Variants in PINK1 observed in about 807,000 individuals in gnomAD.
PINK1 encodes the protein serine/threonine-protein kinase PINK1, mitochondrial.
Under a neutral mutation model 56.0 loss-of-function variants are expected in PINK1, and 58 were observed. The observed-to-expected ratio is 1.04, with a 90% CI of 0.84 to 1.29. The LOEUF (loss-of-function observed/expected upper bound fraction) is 1.29. PINK1 is among the 50% of genes most tolerant of loss of function. PINK1 has a pLI of 0.00. For missense variants in PINK1, 745 were observed against 777.9 expected, an observed-to-expected ratio of 0.96 and a Z score of 0.50; for synonymous variants, 354 against 339.3, an observed-to-expected ratio of 1.04 and a Z score of -0.48.
In PINK1 at chr1:20,633,754, T is replaced by C; in HGVS notation, c.206T>C (p.Phe69Ser). The change falls in exon 1 of 8, where the codon TTC (phenylalanine) becomes TCC (serine). Residue 69 changes from phenylalanine (F) to serine (S), a missense_variant. Physicochemically the swap from Phe to Ser is radical, Grantham distance 155 (BLOSUM62 -2). Coordinates refer to ENST00000321556, the MANE Select transcript of PINK1 (RefSeq NM_032409.3). ...CTCGGGCTCCCTAACCGTCTCCGCT[T>C]CTTCCGCCAGTCGGTGGCCGGGCTG... The part of the protein sequence containing the change: ...VGLGLPNRLR[F>S]FRQSVAGLAA... 1 of 1,548,980 alleles carries C rather than the reference T, an allele frequency of 6.5e-7. No individual in the cohort carries two copies. Among genetic ancestry groups the C allele is most frequent in the South Asian group, 1.2e-5 (1 of 84,998 alleles).
At position 20,635,644 on chromosome 1, in the gene PINK1, C is replaced by G. The variant is rs368386674; in HGVS notation, c.387+1709C>G. ...CGGGCGGATCATGAGGTCAGGAGAT[C>G]GAGACCATCCTGGCTAACATGGTGA... is the stretch of plus-strand genomic sequence containing the variant. On this transcript the variant is annotated intron_variant, in intron 1 of 7. Coordinates refer to ENST00000321556, the MANE Select transcript of PINK1 (RefSeq NM_032409.3). Among the ~76,000 whole-genome samples, 160 of 151,246 alleles carry G rather than the reference C, an allele frequency of 1.1e-3. 2 individuals are homozygous for G. The highest frequency in any genetic ancestry group is 3.7e-3 in the African/African-American group (153 of 41,248).
At position 20,648,515 on chromosome 1, in the gene PINK1, CT is replaced by C. The variant is rs1201886169; in HGVS notation, c.1135del (p.Trp379GlyfsTer3). ...CTTGCTCCTTCCCAGACGGCTGCCC[CT>C]GGCTGGTGATCGCAGATTTTGGCTG... ...LVELDPDGCP[W>X]LVIADFGCCL... On this transcript the variant is annotated frameshift_variant, in exon 6 of 8. Transcript: ENST00000321556. LOFTEE classifies it high-confidence loss of function. 1 of 1,614,186 alleles carries C rather than the reference CT, an allele frequency of 6.2e-7. No homozygotes were observed. Among genetic ancestry groups the C allele is most frequent in the Non-Finnish European group, 8.5e-7 (1 of 1,180,038 alleles).
In PINK1 at chr1:20,646,871, T is replaced by C. The variant is rs6677994; in HGVS notation, c.1123+1148T>C. On this transcript the variant is annotated intron_variant, in intron 5 of 7. Transcript: ENST00000321556. ...CTGGCTTTTATTATTTCTTTATTTA[T>C]TTACTTATTTATTTATTTATTTATT... Among the ~76,000 whole-genome samples the C allele has an allele frequency of 1.2e-3, 161 of 130,998 alleles. 1 individual carries two copies. Among genetic ancestry groups the C allele is most frequent in the South Asian group, 5.9e-3 (25 of 4,256 alleles). The allele number at this position is 130,998 out of a possible 152,430, so 85.9% of individuals were successfully genotyped here.
chr1:20,633,942 G>C lies in PINK1; in HGVS notation c.387+7G>C. 5.1e-6 allele frequency: 8 copies of C among 1,582,796 alleles called. No individual in the cohort carries two copies. The East Asian group carries it at 9.3e-5, about 18-fold the overall frequency. On this transcript the variant is annotated splice_region_variant and intron_variant, in intron 1 of 7. Transcript: ENST00000321556. ...GGCCTGTCAGGAGATCCAGGTGAGCGGGGCCGGGTCCTAAGCCGAGCGGAG... is the reference window on the plus strand; with the variant it reads ...GGCCTGTCAGGAGATCCAGGTGAGCCGGGCCGGGTCCTAAGCCGAGCGGAG...
intron 4 of PINK1, among the ~76,000 whole-genome samples, chr1:20,644,877 C>A (rs1258466422): frequency 2.0e-5 from 3 of 152,226 alleles, no homozygotes; most frequent in Non-Finnish European, 4.4e-5. Flanking sequence ...AAACTCTCAT[C>A]TTCATCCAGA....
chr1:20,649,119 C>T lies in PINK1; in HGVS notation c.1376C>T (p.Ala459Val), dbSNP rs1426133466. Residue 459 changes from alanine to valine, a missense_variant, in exon 7 of 8, where the codon GCC (alanine) becomes GTC (valine). Coordinates refer to ENST00000321556, the MANE Select transcript of PINK1 (RefSeq NM_032409.3). ...LVNPFYGQGK[A>V]HLESRSYQEA... Reference sequence around the variant, plus strand: ...AATCCCTTCTACGGCCAGGGCAAGGCCCACCTTGAAAGCCGCAGCTACCAA... The same window carrying T: ...AATCCCTTCTACGGCCAGGGCAAGGTCCACCTTGAAAGCCGCAGCTACCAA... 3 of 1,614,210 alleles carry T rather than the reference C, an allele frequency of 1.9e-6. No individual in the cohort carries two copies. The South Asian group carries it at 3.3e-5, about 18-fold the overall frequency.
At position 20,641,693 on chromosome 1, in the gene PINK1, G is replaced by T. The variant is rs1283022187; in HGVS notation, c.776+1701G>T. Reference sequence around the variant, plus strand: ...AGCCTCTGCTCTCCTGGGGCCCAGAGATTGAAGGCGCTTAACCTGCTCATC... The same window carrying T: ...AGCCTCTGCTCTCCTGGGGCCCAGATATTGAAGGCGCTTAACCTGCTCATC... On this transcript the variant is annotated intron_variant, in intron 3 of 7. Transcript: ENST00000321556. This position sits in a 1 kb window ranked among gnomAD's most constrained non-coding sequence, Gnocchi z 4.0. Among the ~76,000 whole-genome samples, 1 of 152,032 alleles carries T rather than the reference G, an allele frequency of 6.6e-6. No individual in the cohort carries two copies. Among genetic ancestry groups the T allele is most frequent in the Non-Finnish European group, 1.5e-5 (1 of 68,010 alleles).
At position 20,638,651 on chromosome 1, in the gene PINK1, C is replaced by CA. The variant is rs778961422; in HGVS notation, c.675+525dup. On this transcript the variant is annotated intron_variant, in intron 2 of 7. Coordinates refer to ENST00000321556, the MANE Select transcript of PINK1 (RefSeq NM_032409.3). ...AGTAAGACCCTGTCTCAAAACAAAA[C>CA]AAACAAACAAAAAAAACCCAAAGGT... 4 of 116,212 alleles carry CA rather than the reference C, an allele frequency of 3.4e-5. No homozygotes were observed. In the East Asian group the frequency reaches 7.2e-4, roughly 21 times the overall value. The allele number at this position is 116,212 out of a possible 1,614,324, so 7.2% of individuals were successfully genotyped here. A position where few individuals can be genotyped will look rare whatever the true frequency, so the allele number is the denominator to read the frequency against.
chr1:20,635,857 TAAAAAATAAAAA>T (rs1254588466), intron 1 of PINK1, among the ~76,000 whole-genome samples: 1 of 150,884 alleles, frequency 6.6e-6, no homozygotes, highest in Non-Finnish European at 1.5e-5. Flanking sequence ...TCAAAAAAAA[TAAAAAATAAAAA>T]AATAAAAAAT....
intron 6 of PINK1, 171 bp downstream of exon 6, chr1:20,648,803 CAG>C: frequency 7.6e-7 from 1 of 1,323,850 alleles, no homozygotes; most frequent in South Asian, 1.3e-5. Context: ...CCTCATGTTC[CAG>C]GAGAATGCAA....
chr1:20,634,787 T>C (rs1168378469), intron 1 of PINK1, among the ~76,000 whole-genome samples: 1 of 151,946 alleles, frequency 6.6e-6, no homozygotes, highest in Non-Finnish European at 1.5e-5. Flanking sequence ...TTCCTGGGGG[T>C]GTAGAACCAC....
chr1:20,645,670 G>T lies in PINK1; in HGVS notation c.1070G>T (p.Gly357Val), dbSNP rs2053171075. ...LEGVDHLVQQ[G>V]IAHRDLKSDN... ...GGCGTGGACCATCTGGTTCAACAGG[G>T]CATCGCGCACAGAGACCTGAAATCC... Residue 357 changes from glycine (G) to valine (V), a missense_variant, in exon 5 of 8, where the codon GGC becomes GTC. Physicochemically the swap from Gly to Val is moderately radical, Grantham distance 109. Transcript: ENST00000321556. 2.5e-6 allele frequency: 4 copies of T among 1,613,946 alleles called. No homozygotes were observed. The highest frequency in any genetic ancestry group is 1.3e-5 in the African/African-American group (1 of 74,886).
chr1:20,648,202 C>G (rs756721995), intron 5 of PINK1: 75 of 437,954 alleles, frequency 1.7e-4, no homozygotes, highest in Non-Finnish European at 2.8e-4. Flanking sequence ...CCTTGGAGAT[C>G]ATTTGAACCA....
In PINK1 at chr1:20,638,081, G is replaced by A. The variant is rs775620019; in HGVS notation, c.627G>A (p.Pro209=). The A allele has an allele frequency of 1.6e-5, 26 of 1,613,604 alleles. No homozygotes were observed. Among genetic ancestry groups the A allele is most frequent in the Admixed American group, 8.3e-5 (5 of 60,000 alleles). Residue 209 remains proline, a synonymous_variant, in exon 2 of 8, where the codon CCG becomes CCA. Transcript: ENST00000321556. ...CAGGAGAAGGGCAGGAGCGAGCTCC[G>A]GGGGCCCCTGCCTTCCCCTTGGCCA... is the stretch of plus-strand genomic sequence containing the variant. ...SAPGEGQERA[P]GAPAFPLAIK...
chr1:20,649,979 C>T, intron 7 of PINK1: 1 of 238,580 alleles, frequency 4.2e-6, no homozygotes, highest in Non-Finnish European at 8.4e-6. Flanking sequence ...GCAGCTGGCT[C>T]AGGGGCAGGC....
Position 20,633,872 on chromosome 1 carries a change from G to A in PINK1, c.324G>A (p.Leu108=). Residue 108 remains leucine, a synonymous_variant, in exon 1 of 8, where the codon CTG becomes CTA. Transcript: ENST00000321556. The part of the protein sequence containing the change: ...RAVFLAFGLG[L]GLIEEKQAES... ...TCTTTCTGGCCTTCGGGCTAGGGCT[G>A]GGCCTCATCGAGGAAAAACAGGCGG... 6.3e-7 allele frequency: 1 copy of A among 1,580,272 alleles called. No homozygotes were observed. Among genetic ancestry groups the A allele is most frequent in the Non-Finnish European group, 8.6e-7 (1 of 1,165,260 alleles).
intron 2 of PINK1, chr1:20,638,633 C>T (rs915807303): frequency 6.0e-6 from 1 of 165,878 alleles, no homozygotes; most frequent in African/African-American, 3.8e-5. Context: ...CAGAGTAAGA[C>T]CCTGTCTCAA....
At chr1:20,635,092 C>T (rs184871176) in intron 1 of PINK1, among the ~76,000 whole-genome samples, 2 of 152,320 alleles carry the variant, frequency 1.3e-5, no homozygotes, top group East Asian at 3.8e-4. Context: ...ACTAAAGAGG[C>T]TTTTTTAACT....
chr1:20,640,500 C>G (rs866433705), intron 3 of PINK1, among the ~76,000 whole-genome samples: 1 of 152,102 alleles, frequency 6.6e-6, no homozygotes, highest in South Asian at 2.1e-4. Flanking sequence ...TGAGGGAGCC[C>G]AGGGGAGGCG....
Sources: allele counts gnomAD v4.1 joint callset (sites outside exome capture counted in the v4.1 genomes callset), GRCh38; gene constraint gnomAD v4.1.1; non-coding constraint Gnocchi (gnomAD v3.1); transcripts MANE v1.5; gene names NCBI Gene and HGNC (gene_info 2026-07-23, HGNC 2026-07-21).